The following ABLIM2 variants were observed in gnomAD, a reference collection of about 807,000 sequenced individuals.
ABLIM2 encodes the protein actin binding LIM protein family member 2, also known as actin-binding LIM protein 2.
In ABLIM2, 53 loss-of-function variants were observed where a neutral mutation model predicts 97.7. The ratio of observed to expected loss-of-function variants is 0.54; its 90% CI spans 0.44 to 0.68. The LOEUF (loss-of-function observed/expected upper bound fraction) is 0.68, where lower values mean the gene tolerates loss of function less well. ABLIM2 is among the 30% of genes least tolerant of loss of function. The pLI is 0.00. For missense variants in ABLIM2, 835 were observed against 867.2 expected (o/e 0.96, Z 0.47); for synonymous variants, 361 against 345.8 (o/e 1.04, Z -0.49).
chr4:8,053,916 A>G (rs1349666457), intron 8 of ABLIM2, among the ~76,000 whole-genome samples: 1 of 152,148 alleles, frequency 6.6e-6, no homozygotes, highest in Non-Finnish European at 1.5e-5. Flanking sequence ...CTCCAGAACC[A>G]TGAGCTGAAT....
At position 8,095,778 on chromosome 4, in the gene ABLIM2, C is replaced by A. The variant is rs1373077574; in HGVS notation, c.338+1321G>T. 2.0e-5 allele frequency among the ~76,000 whole-genome samples: 3 copies of A among 152,106 alleles called. No homozygotes were observed. The highest frequency in any genetic ancestry group is 7.2e-5 in the African/African-American group (3 of 41,406). On this transcript the variant is annotated intron_variant, in intron 3 of 20. Transcript: ENST00000447017. The surrounding 1 kb of genome is among the most constrained non-coding windows in gnomAD (Gnocchi z 4.7). ...GTTTTGTCTTCTGGATGAGACGCGACCTTTTGGTGTCCACACTGCATGCCC... is the reference window on the plus strand; with the variant it reads ...GTTTTGTCTTCTGGATGAGACGCGAACTTTTGGTGTCCACACTGCATGCCC...
At chr4:8,096,341 G>A (rs1222008823) in intron 3 of ABLIM2, among the ~76,000 whole-genome samples, 2 of 152,174 alleles carry the variant, frequency 1.3e-5, no homozygotes, top group Non-Finnish European at 1.5e-5. Context: ...AACCAGAGGC[G>A]ATCTTTCAAA....
At chr4:8,152,251 C>T (rs1401701159) in intron 1 of ABLIM2, among the ~76,000 whole-genome samples, 3 of 152,354 alleles carry the variant, frequency 2.0e-5, no homozygotes, top group East Asian at 1.9e-4. Flanking sequence ...GCAGACAGCG[C>T]CCGCCTAGCC....
At chr4:7,978,557 A>G (rs1460837706) in intron 20 of ABLIM2, among the ~76,000 whole-genome samples, 6 of 152,168 alleles carry the variant, frequency 3.9e-5, no homozygotes, top group African/African-American at 1.4e-4. Flanking sequence ...GAGCTGCCAG[A>G]CCTGCTGGCT....
intron 1 of ABLIM2, among the ~76,000 whole-genome samples, chr4:8,151,680 A>G (rs893187152): frequency 2.6e-5 from 4 of 152,164 alleles, no homozygotes; most frequent in Non-Finnish European, 5.9e-5. Context: ...CGAGGATGGC[A>G]GTGGCCCTGT....
rs143735503 is a variant in ABLIM2, at chr4:8,026,280, G to A, written c.1267+1479C>T. Among the ~76,000 whole-genome samples the A allele has an allele frequency of 3.9e-5, 6 of 152,212 alleles. No homozygotes were observed. The East Asian group carries it at 1.2e-3, about 29-fold the overall frequency. On this transcript the variant is annotated intron_variant, in intron 12 of 20. Transcript: ENST00000447017. Reference sequence around the variant, plus strand: ...GCCTCCCAAAGCAGTGGGATTACAGGTATGAGCCATTGCACCCAGGTGAAG... The same window carrying A: ...GCCTCCCAAAGCAGTGGGATTACAGATATGAGCCATTGCACCCAGGTGAAG...
rs1809493195 is a variant in ABLIM2 at position 8,068,416 on chromosome 4, G to GC, written c.676-7363dup. ...TCAGCCAGTGCTGGGTCAGAGGGCA[G>GC]CGGTTTAAGGGACGTCCCCACTGTG... On this transcript the variant is annotated intron_variant, in intron 6 of 20. Coordinates refer to ENST00000447017, the MANE Select transcript of ABLIM2 (RefSeq NM_001130083.2). This position sits in a 1 kb window ranked among gnomAD's most constrained non-coding sequence, Gnocchi z 4.5. 6.6e-6 allele frequency among the ~76,000 whole-genome samples: 1 copy of GC among 152,182 alleles called. No individual in the cohort carries two copies. Among genetic ancestry groups the GC allele is most frequent in the African/African-American group, 2.4e-5 (1 of 41,448 alleles).
intron 1 of ABLIM2, among the ~76,000 whole-genome samples, chr4:8,114,798 C>T (rs1348722071): frequency 1.4e-5 from 1 of 71,234 alleles, no homozygotes; most frequent in Non-Finnish European, 3.5e-5. Context: ...TGGGCAGCCA[C>T]CGCCCCGTCC....
chr4:8,106,781 G>T, intron 1 of ABLIM2, 144 bp from the exon 2 acceptor site: 1 of 1,041,286 alleles, frequency 9.6e-7, no homozygotes, highest in Non-Finnish European at 1.3e-6. Flanking sequence ...CATCGGGGTC[G>T]GTCTGTTGTC....
In ABLIM2 at chr4:8,017,813, G is replaced by A. The variant is rs145079168; in HGVS notation, c.1423+1805C>T. On this transcript the variant is annotated intron_variant, in intron 14 of 20. Coordinates refer to ENST00000447017, the MANE Select transcript of ABLIM2 (RefSeq NM_001130083.2). Reference sequence around the variant, plus strand: ...TTGAGATCATCCTGGCCAACATGGTGAAACCCCACCTTTACTAAAAATACA... The same window carrying A: ...TTGAGATCATCCTGGCCAACATGGTAAAACCCCACCTTTACTAAAAATACA... 2.0e-3 allele frequency among the ~76,000 whole-genome samples: 305 copies of A among 152,274 alleles called. 1 individual carries two copies. Among genetic ancestry groups the A allele is most frequent in the Non-Finnish European group, 3.5e-3 (241 of 68,018 alleles).
rs1413376646 is a variant in ABLIM2 at position 8,149,609 on chromosome 4, G to A, written c.10+9071C>T. On this transcript the variant is annotated intron_variant, in intron 1 of 20. Coordinates refer to ENST00000447017, the MANE Select transcript of ABLIM2 (RefSeq NM_001130083.2). The surrounding 1 kb of genome is among the most constrained non-coding windows in gnomAD (Gnocchi z 6.4). The stretch of plus-strand genomic sequence containing the variant: ...GAGGAGGAGGGACTCCAGGGGAGCG[G>A]GGGCAGGCAGAAGGCGGCAGGAAGA... Among the ~76,000 whole-genome samples, 4 of 151,934 alleles carry A rather than the reference G, an allele frequency of 2.6e-5. No individual in the cohort carries two copies. Among genetic ancestry groups the A allele is most frequent in the Middle Eastern group, 3.2e-3 (1 of 316 alleles).
intron 20 of ABLIM2, among the ~76,000 whole-genome samples, chr4:7,969,270 A>G (rs972546889): frequency 6.6e-6 from 1 of 152,150 alleles, no homozygotes; most frequent in Admixed American, 6.6e-5. Context: ...CCTGGGCAAC[A>G]TGGTGAGACT....
intron 13 of ABLIM2, among the ~76,000 whole-genome samples, 179 bp downstream of exon 13, chr4:8,020,023 G>A (rs1457725850): frequency 6.7e-6 from 1 of 149,096 alleles, no homozygotes; most frequent in Non-Finnish European, 1.5e-5. Context: ...CATCGGTTTG[G>A]GGTTGTGAAA....
chr4:8,026,816 T>G (rs1034287200), intron 12 of ABLIM2, among the ~76,000 whole-genome samples: 2 of 152,204 alleles, frequency 1.3e-5, no homozygotes, highest in Non-Finnish European at 2.9e-5. Context: ...TTTCCTGGCT[T>G]GCAGACATCG....
chr4:8,039,732 A>G (rs938290353), intron 9 of ABLIM2, among the ~76,000 whole-genome samples: 10 of 152,240 alleles, frequency 6.6e-5, no homozygotes, highest in South Asian at 2.1e-4. Context: ...AGGTTACAAA[A>G]TAATATGTTC....
chr4:8,078,269 T>C (rs1350405815), intron 5 of ABLIM2, among the ~76,000 whole-genome samples: 1 of 152,196 alleles, frequency 6.6e-6, no homozygotes, highest in Non-Finnish European at 1.5e-5. Flanking sequence ...TGGCCACACT[T>C]GGAGAGGCCT....
At chr4:7,976,905 G>GTA (rs142711022) in intron 20 of ABLIM2, among the ~76,000 whole-genome samples, 74,258 of 145,376 alleles carry the variant, frequency 0.51, 18,862 homozygotes, top group African/African-American at 0.62. Flanking sequence ...ACACATACAT[G>GTA]TACACACACA....
intron 1 of ABLIM2, among the ~76,000 whole-genome samples, chr4:8,131,690 CATCCCCA>C (rs1849408778): frequency 9.1e-6 from 1 of 109,844 alleles, no homozygotes; most frequent in Non-Finnish European, 1.9e-5. Context: ...CAGCAGCCCG[CATCCCCA>C]GCACAGCAGC....
At chr4:8,031,184 T>A (rs1366966397) in intron 10 of ABLIM2, among the ~76,000 whole-genome samples, 1 of 152,152 alleles carries the variant, frequency 6.6e-6, no homozygotes, top group African/African-American at 2.4e-5. Flanking sequence ...TGTGACCACC[T>A]CTGGACCAGA....
Sources: gnomAD v4.1 joint callset for allele counts (sites outside exome capture counted in the v4.1 genomes callset) on GRCh38, gnomAD v4.1.1 for gene constraint, Gnocchi (gnomAD v3.1) non-coding constraint, MANE v1.5 for transcripts, NCBI Gene and HGNC (gene_info 2026-07-23, HGNC 2026-07-21) for gene names.